RBM20: variants seen among roughly 807,000 people sequenced by gnomAD.
RBM20 encodes the protein RNA binding motif protein 20.
A neutral mutation model predicts 110.1 loss-of-function variants in RBM20; 51 were observed. The observed-to-expected ratio is 0.46, with a 90% confidence interval of 0.37 to 0.59. RBM20 has a LOEUF of 0.59. RBM20 is among the 20% of genes least tolerant of loss of function. The pLI, the probability that RBM20 is intolerant of heterozygous loss-of-function variation, is 0.00. For synonymous variants in RBM20, 589 were observed against 618.2 expected, an observed-to-expected ratio of 0.95 and a Z score of 0.70; for missense variants, 1,512 against 1,574.9, an observed-to-expected ratio of 0.96 and a Z score of 0.68.
intron 13 of RBM20, 71 bp downstream of exon 13, chr10:110,831,253 C>T (rs1179371696): frequency 2.0e-6 from 3 of 1,500,716 alleles, no homozygotes; most frequent in Middle Eastern, 1.9e-4. Context: ...AGGTGTCTGG[C>T]GTCCTTGGCC....
rs182541711 is a variant in RBM20 at position 110,660,502 on chromosome 10, G to T, written c.191+15857G>T. On this transcript the variant is annotated intron_variant, in intron 1 of 13. Coordinates refer to ENST00000369519, the MANE Select transcript of RBM20 (RefSeq NM_001134363.3). ...GGAGGTGAGCGGTGGGCGAGCAAGC[G>T]AAGCTTCATCTGTATTTACAGCTGC... Among the ~76,000 whole-genome samples, 12 of 152,250 alleles carry T rather than the reference G, an allele frequency of 7.9e-5. No individual in the cohort carries two copies. In the East Asian group the frequency reaches 2.1e-3, roughly 27 times the overall value.
intron 5 of RBM20, among the ~76,000 whole-genome samples, chr10:110,792,127 A>G (rs137970633): frequency 9.5e-4 from 142 of 149,966 alleles, no homozygotes; most frequent in African/African-American, 3.3e-3. Context: ...CATTTTCTCT[A>G]TCTTCCTCTA....
intron 10 of RBM20, among the ~76,000 whole-genome samples, chr10:110,820,524 G>A (rs1242458929): frequency 1.3e-5 from 2 of 152,204 alleles, no homozygotes; most frequent in East Asian, 3.8e-4. Flanking sequence ...AAGCTGCTTT[G>A]GGCACTCAAG....
chr10:110,809,603 C>T (rs969572456), intron 7 of RBM20, among the ~76,000 whole-genome samples: 6 of 152,072 alleles, frequency 3.9e-5, no homozygotes, highest in African/African-American at 9.7e-5. Flanking sequence ...GCATAGCCAC[C>T]GTCTAATGAC....
At chr10:110,768,598 A>G (rs1844142241) in intron 1 of RBM20, among the ~76,000 whole-genome samples, 1 of 152,250 alleles carries the variant, frequency 6.6e-6, no homozygotes, top group African/African-American at 2.4e-5. Context: ...GGTAAGATCT[A>G]CATTCCCACA....
chr10:110,767,907 G>C (rs1016237647), intron 1 of RBM20, among the ~76,000 whole-genome samples: 4 of 152,250 alleles, frequency 2.6e-5, no homozygotes, highest in Admixed American at 2.6e-4. Flanking sequence ...GTAGCCAGCC[G>C]AGATCACGCC....
chr10:110,693,476 G>C (rs762712751), intron 1 of RBM20, among the ~76,000 whole-genome samples: 3 of 152,034 alleles, frequency 2.0e-5, no homozygotes, highest in Non-Finnish European at 4.4e-5. Flanking sequence ...ACTTCTTCAT[G>C]GGTCAGTTTT....
chr10:110,832,754 G>A lies in RBM20; in HGVS notation c.3573+1572G>A, dbSNP rs550894877. Among the ~76,000 whole-genome samples, 19 of 152,276 alleles carry A rather than the reference G, an allele frequency of 1.2e-4. No homozygotes were observed. The South Asian group carries it at 3.9e-3, about 32-fold the overall frequency. Reference sequence around the variant, plus strand: ...AATGTCATGGCCTGGGTCACCATGTGCAGAGAAGTATCATAGGCTATGCCC... The same window carrying A: ...AATGTCATGGCCTGGGTCACCATGTACAGAGAAGTATCATAGGCTATGCCC... On this transcript the variant is annotated intron_variant, in intron 13 of 13. Coordinates refer to ENST00000369519, the MANE Select transcript of RBM20 (RefSeq NM_001134363.3).
intron 5 of RBM20, among the ~76,000 whole-genome samples, chr10:110,788,989 C>T (rs972560492): frequency 4.6e-5 from 7 of 152,224 alleles, no homozygotes; most frequent in African/African-American, 1.2e-4. Flanking sequence ...CCCCGGTTGT[C>T]TCCCTTTCAG....
intron 1 of RBM20, among the ~76,000 whole-genome samples, chr10:110,732,946 G>A (rs1444386170): frequency 1.3e-5 from 2 of 152,094 alleles, no homozygotes; most frequent in Non-Finnish European, 2.9e-5. Context: ...TATCATCAGG[G>A]CTACTCACCA....
At chr10:110,718,557 GTTTT>G (rs71032101) in intron 1 of RBM20, among the ~76,000 whole-genome samples, 1 of 113,022 alleles carries the variant, frequency 8.8e-6, no homozygotes, top group Admixed American at 8.6e-5. Context: ...AACTTTTTTA[GTTTT>G]TTTTTTTTGA....
At chr10:110,827,407 C>CA (rs35330052) in intron 12 of RBM20, among the ~76,000 whole-genome samples, 31,455 of 145,516 alleles carry the variant, frequency 0.22, 3,836 homozygotes, top group Non-Finnish European at 0.29. Context: ...GGAAAAGAAA[C>CA]AAAAAAAAAA....
chr10:110,772,841 A>G (rs1844211392), intron 1 of RBM20, among the ~76,000 whole-genome samples: 1 of 152,236 alleles, frequency 6.6e-6, no homozygotes. Flanking sequence ...GCACCTGCAC[A>G]TCACGTTTGA....
chr10:110,659,850 C>T (rs1215531563), intron 1 of RBM20, among the ~76,000 whole-genome samples: 2 of 150,362 alleles, frequency 1.3e-5, no homozygotes, highest in East Asian at 1.9e-4. Flanking sequence ...TCTTCTTCTT[C>T]CTCTTCTTTT....
At chr10:110,790,550 G>A (rs1445054500) in intron 5 of RBM20, among the ~76,000 whole-genome samples, 1 of 152,210 alleles carries the variant, frequency 6.6e-6, no homozygotes, top group Non-Finnish European at 1.5e-5. Flanking sequence ...GAAGTTAAAT[G>A]CTTTTGTTAT....
rs547675962 is a variant in RBM20, at chr10:110,725,935, GC to G, written c.192-54860del. The stretch of plus-strand genomic sequence containing the variant: ...CTGCTGCGTGTGCAGCCTCCTTCCT[GC>G]CCCCCTCCCCCGACCCCATCCTGGC... On this transcript the variant is annotated intron_variant, in intron 1 of 13. Transcript: ENST00000369519. Among the ~76,000 whole-genome samples, 309 of 152,118 alleles carry G rather than the reference GC, an allele frequency of 2.0e-3. 2 individuals are homozygous for G. The highest frequency in any genetic ancestry group is 7.1e-3 in the African/African-American group (295 of 41,480).
At chr10:110,703,232 G>A (rs933176631) in intron 1 of RBM20, among the ~76,000 whole-genome samples, 9 of 151,810 alleles carry the variant, frequency 5.9e-5, no homozygotes, top group African/African-American at 1.9e-4. Context: ...CAAAAAATGA[G>A]CCAGGCATGG....
chr10:110,744,232 A>C (rs1218713036), intron 1 of RBM20, among the ~76,000 whole-genome samples: 1 of 152,194 alleles, frequency 6.6e-6, no homozygotes, highest in Non-Finnish European at 1.5e-5. Flanking sequence ...ACTGTCAAGC[A>C]CAGTGCCTGG....
chr10:110,676,910 T>C (rs556132931), intron 1 of RBM20, among the ~76,000 whole-genome samples: 1 of 152,358 alleles, frequency 6.6e-6, no homozygotes, highest in Non-Finnish European at 1.5e-5. Context: ...TCAGAGTCAC[T>C]TTAGAATTTT....
Sources: gnomAD v4.1 joint callset for allele counts (sites outside exome capture counted in the v4.1 genomes callset) on GRCh38, gnomAD v4.1.1 for gene constraint, MANE v1.5 for transcripts, NCBI Gene and HGNC (gene_info 2026-07-23, HGNC 2026-07-21) for gene names.